The following TNKS variants were observed in gnomAD, a reference collection of about 807,000 sequenced individuals.
TNKS encodes poly [ADP-ribose] polymerase tankyrase-1.
TNKS carries 72 observed loss-of-function variants against 135.8 expected under a neutral mutation model. That is an observed-to-expected ratio of 0.53 (90% CI 0.44 to 0.64). The LOEUF (loss-of-function observed/expected upper bound fraction) is 0.64. Ranked by LOEUF, TNKS falls within the 30% of genes least tolerant of loss-of-function variation. The probability of loss-of-function intolerance (pLI) is 0.00; values close to 1 mark genes in which losing one functional copy is unlikely to be tolerated. For synonymous variants in TNKS, 849 were observed against 649.3 expected, an observed-to-expected ratio of 1.31 and a Z score of -4.68; for missense variants, 1,769 against 1,674.0, an observed-to-expected ratio of 1.06 and a Z score of -0.99.
At position 9,657,229 on chromosome 8, in the gene TNKS, G is replaced by A. The variant is rs1801423966; in HGVS notation, c.995-22722G>A. Among the ~76,000 whole-genome samples, 3 of 128,430 alleles carry A rather than the reference G, an allele frequency of 2.3e-5. No individual in the cohort carries two copies. The South Asian group carries it at 7.9e-4, about 34-fold the overall frequency. The allele number at this position is 128,430 out of a possible 152,430, so 84.3% of individuals were successfully genotyped here. A position where few individuals can be genotyped will look rare whatever the true frequency, so the allele number is the denominator to read the frequency against. On this transcript the variant is annotated intron_variant, in intron 3 of 26. Transcript: ENST00000310430. The stretch of plus-strand genomic sequence containing the variant: ...GAGGTGCCCCTCACCTCCCGGACGG[G>A]GCGGCTGGCCGGGCGGGGGGCCGAC...
intron 3 of TNKS, among the ~76,000 whole-genome samples, chr8:9,619,777 G>A (rs572511426): frequency 4.1e-5 from 6 of 147,842 alleles, no homozygotes; most frequent in East Asian, 4.1e-4. Flanking sequence ...AAATGTATCC[G>A]AAATCCTTTG....
chr8:9,757,231 T>G (rs1806886447), intron 20 of TNKS, among the ~76,000 whole-genome samples: 1 of 152,174 alleles, frequency 6.6e-6, no homozygotes, highest in Non-Finnish European at 1.5e-5. Context: ...CGCCTTGGCC[T>G]CCCAAAGTGC....
At chr8:9,644,528 T>C (rs1800842496) in intron 3 of TNKS, among the ~76,000 whole-genome samples, 1 of 152,208 alleles carries the variant, frequency 6.6e-6, no homozygotes. Context: ...AACTTTTTCT[T>C]ATCAAGTGCT....
chr8:9,658,505 A>T (rs575083194), intron 3 of TNKS: 4 of 537,196 alleles, frequency 7.4e-6, no homozygotes, highest in East Asian at 8.3e-5. Flanking sequence ...GTGAAGGAGA[A>T]ATAAAATCCT....
At chr8:9,582,739 C>T (rs1798215495) in intron 2 of TNKS, among the ~76,000 whole-genome samples, 1 of 152,184 alleles carries the variant, frequency 6.6e-6, no homozygotes, top group Non-Finnish European at 1.5e-5. Context: ...GTACAGTGTA[C>T]ATTCAGTGAA....
At chr8:9,588,057 G>C (rs564298499) in intron 2 of TNKS, among the ~76,000 whole-genome samples, 1 of 152,262 alleles carries the variant, frequency 6.6e-6, no homozygotes, top group South Asian at 2.1e-4. Context: ...AGATAATGTA[G>C]TGGACTCATA....
intron 3 of TNKS, chr8:9,658,454 T>C (rs1801530792): frequency 1.0e-6 from 1 of 989,320 alleles, no homozygotes; most frequent in Non-Finnish European, 1.4e-6. Flanking sequence ...AAAAGAATTT[T>C]CAACCCAGAA....
At chr8:9,585,448 C>G (rs1408156560) in intron 2 of TNKS, among the ~76,000 whole-genome samples, 1 of 152,040 alleles carries the variant, frequency 6.6e-6, no homozygotes, top group Non-Finnish European at 1.5e-5. Flanking sequence ...GCTCAGGGAG[C>G]TCCATATGAG....
intron 3 of TNKS, among the ~76,000 whole-genome samples, chr8:9,655,595 G>A (rs1474472140): frequency 2.0e-5 from 3 of 152,196 alleles, no homozygotes; most frequent in Non-Finnish European, 2.9e-5. Context: ...AATATCCGCT[G>A]TTCTGCAGCC....
intron 2 of TNKS, among the ~76,000 whole-genome samples, chr8:9,581,813 A>G (rs577249448): frequency 7.9e-5 from 12 of 152,252 alleles, no homozygotes; most frequent in African/African-American, 2.6e-4. Flanking sequence ...TGAAATTAGT[A>G]TTTCTCGCCT....
intron 5 of TNKS, among the ~76,000 whole-genome samples, chr8:9,696,790 A>G (rs559482645): frequency 6.6e-6 from 1 of 152,284 alleles, no homozygotes; most frequent in Admixed American, 6.5e-5. Flanking sequence ...CACTGCTGAA[A>G]GAAATCAGAG....
intron 11 of TNKS, among the ~76,000 whole-genome samples, chr8:9,711,169 G>A (rs1156799152): frequency 6.6e-6 from 1 of 152,034 alleles, no homozygotes; most frequent in Non-Finnish European, 1.5e-5. Flanking sequence ...TGCCCTGTTG[G>A]AAAAATCCTA....
chr8:9,561,517 A>C (rs903371956), intron 1 of TNKS, among the ~76,000 whole-genome samples: 1 of 152,116 alleles, frequency 6.6e-6, no homozygotes, highest in Admixed American at 6.5e-5. Flanking sequence ...CATGTTTTTG[A>C]TTTTGTAACG....
At position 9,751,704 on chromosome 8, in the gene TNKS, G is replaced by C; in HGVS notation, c.2928G>C (p.Leu976=). 6.2e-7 allele frequency: 1 copy of C among 1,614,110 alleles called. No individual in the cohort carries two copies. Among genetic ancestry groups the C allele is most frequent in the Non-Finnish European group, 8.5e-7 (1 of 1,180,028 alleles). Residue 976 remains leucine (L), a synonymous_variant, in exon 19 of 27, where the codon CTG becomes CTC. Transcript: ENST00000310430. The part of the protein sequence containing the change: ...KPQATVVSAS[L]ISPASTPSCL... ...AGGCTACTGTAGTGAGTGCCTCTCT[G>C]ATCTCACCAGCATCCACCCCCTCCT...
intron 20 of TNKS, among the ~76,000 whole-genome samples, chr8:9,757,128 C>T (rs1806877036): frequency 6.6e-6 from 1 of 152,124 alleles, no homozygotes; most frequent in Admixed American, 6.5e-5. Flanking sequence ...AGGCATAGGC[C>T]ACCATACCCG....
chr8:9,638,679 C>T (rs1489928908), intron 3 of TNKS, among the ~76,000 whole-genome samples: 1 of 152,036 alleles, frequency 6.6e-6, no homozygotes, highest in African/African-American at 2.4e-5. Context: ...TATTTTAAAA[C>T]ATAATTTAAC....
At chr8:9,714,011 C>T (rs936306263) in intron 11 of TNKS, among the ~76,000 whole-genome samples, 3 of 152,176 alleles carry the variant, frequency 2.0e-5, no homozygotes, top group Non-Finnish European at 2.9e-5. Context: ...CTGCCTTCCC[C>T]TACTCTTGAT....
At chr8:9,710,369 G>C in intron 11 of TNKS, 149 bp downstream of exon 11, 1 of 711,316 alleles carries the variant, frequency 1.4e-6, no homozygotes, top group Non-Finnish European at 2.4e-6. Flanking sequence ...CTCCTATAAA[G>C]CTGATTTAGA....
intron 12 of TNKS, among the ~76,000 whole-genome samples, chr8:9,725,651 A>G (rs1805126409): frequency 6.6e-6 from 1 of 152,174 alleles, no homozygotes; most frequent in South Asian, 2.1e-4. Flanking sequence ...CTGTTACATG[A>G]GTTGTCCAAA....
Sources: allele counts gnomAD v4.1 joint callset (sites outside exome capture counted in the v4.1 genomes callset), GRCh38; gene constraint gnomAD v4.1.1; transcripts MANE v1.5; gene names NCBI Gene and HGNC (gene_info 2026-07-23, HGNC 2026-07-21).